Variants in PRTG observed in about 807,000 individuals in gnomAD.
The protein encoded by PRTG is immunoglobulin superfamily, DCC subclass, member 5.
PRTG carries 67 observed loss-of-function variants against 122.5 expected under a neutral mutation model. The ratio of observed to expected loss-of-function variants is 0.55; its 90% CI spans 0.45 to 0.67. The LOEUF (loss-of-function observed/expected upper bound fraction) is 0.67, where lower values mean the gene tolerates loss of function less well. Among genes scored for constraint, PRTG ranks in the 30% least tolerant of loss-of-function variants. PRTG has a pLI of 0.00. For synonymous variants in PRTG, 554 were observed against 501.1 expected (o/e 1.11, Z -1.41); for missense variants, 1,435 against 1,415.4 (o/e 1.01, Z -0.22).
chr15:55,639,542 G>A (rs1360741717), intron 13 of PRTG, 100 bp downstream of exon 13: 2 of 1,003,202 alleles, frequency 2.0e-6, no homozygotes, highest in Non-Finnish European at 3.0e-6. Context: ...AATGCTTACA[G>A]GTGAAGCCCG....
chr15:55,636,996 T>C (rs2059261194), intron 15 of PRTG, among the ~76,000 whole-genome samples, 174 bp downstream of exon 15: 1 of 152,212 alleles, frequency 6.6e-6, no homozygotes, highest in South Asian at 2.1e-4. Flanking sequence ...AAATACAAAC[T>C]ATTCTTAAAA....
intron 15 of PRTG, among the ~76,000 whole-genome samples, chr15:55,635,074 G>GTGTGTGTGTGTGTGTGTGTGTGTGTGT (rs1567076962): frequency 8.9e-5 from 12 of 135,412 alleles, no homozygotes; most frequent in East Asian, 6.2e-4. Flanking sequence ...GTTGGTTCTG[G>GTGTGTGTGTGTGTGTGTGTGTGTGTGT]GTGTGTGTGT....
At chr15:55,693,891 T>C (rs1411094258) in intron 2 of PRTG, among the ~76,000 whole-genome samples, 3 of 152,144 alleles carry the variant, frequency 2.0e-5, no homozygotes, top group Non-Finnish European at 4.4e-5. Context: ...ACTCAAAGAA[T>C]GTTAAACAAA....
chr15:55,730,360 C>A (rs1480451180), intron 2 of PRTG, among the ~76,000 whole-genome samples: 3 of 152,104 alleles, frequency 2.0e-5, no homozygotes, highest in Admixed American at 2.0e-4. Context: ...CCTCGGCCTC[C>A]CAAAGTGCTG....
intron 11 of PRTG, among the ~76,000 whole-genome samples, chr15:55,653,760 G>A (rs1035397936): frequency 6.6e-6 from 1 of 152,138 alleles, no homozygotes; most frequent in Non-Finnish European, 1.5e-5. Context: ...CACTGCGCCC[G>A]GCCAGATAAT....
Position 55,638,621 on chromosome 15 carries a change from C to A in PRTG, c.2380G>T (p.Ala794Ser). The A allele has an allele frequency of 6.2e-7, 1 of 1,613,492 alleles. No homozygotes were observed. The highest frequency in any genetic ancestry group is 8.5e-7 in the Non-Finnish European group (1 of 1,179,590). The change falls in exon 14 of 20, where the codon GCC becomes TCC. Residue 794 changes from alanine (A) to serine (S), a missense_variant. Coordinates refer to ENST00000389286, the MANE Select transcript of PRTG (RefSeq NM_173814.6). ...AGCTGATCCACATGTAATCGAACGG[C>A]AAATTCGTATTTGGTGTTTGGTTCT... is the stretch of plus-strand genomic sequence containing the variant. ...GLEPNTKYEF[A>S]VRLHVDQLSS...
At chr15:55,648,015 C>T (rs988598922) in intron 11 of PRTG, among the ~76,000 whole-genome samples, 4 of 152,196 alleles carry the variant, frequency 2.6e-5, no homozygotes, top group Non-Finnish European at 5.9e-5. Flanking sequence ...GGTATATATT[C>T]CTTCCAGTGG....
At position 55,677,835 on chromosome 15, in the gene PRTG, T is replaced by C. The variant is rs1567095300; in HGVS notation, c.1343A>G (p.Lys448Arg). 12 of 1,613,768 alleles carry C rather than the reference T, an allele frequency of 7.4e-6. No homozygotes were observed. The highest frequency in any genetic ancestry group is 1.7e-5 in the Admixed American group (1 of 59,996). ...GTAGTGTACAGAATAGGCAATGACT[T>C]TGTCTGAATTATAAAGTGGCCTCTC... ...AWERPLYNSD[K>R]VIAYSVHYMK... Residue 448 changes from lysine (K) to arginine (R), a missense_variant, in exon 8 of 20, where the codon AAA becomes AGA. Coordinates refer to ENST00000389286, the MANE Select transcript of PRTG (RefSeq NM_173814.6).
rs2059156846 is a variant in PRTG at position 55,619,930 on chromosome 15, C to G, written c.*82G>C. On this transcript the variant is annotated 3_prime_UTR_variant, in exon 20 of 20. Coordinates refer to ENST00000389286, the MANE Select transcript of PRTG (RefSeq NM_173814.6). ...GCGGCTGCAGAACTAAGGAGGAAGT[C>G]TGCTCACTAACAGATGACACAGCAG... The G allele has an allele frequency of 6.4e-7, 1 of 1,567,344 alleles. No individual in the cohort carries two copies. Among genetic ancestry groups the G allele is most frequent in the African/African-American group, 1.4e-5 (1 of 73,782 alleles).
At chr15:55,708,751 G>A (rs2141850770) in intron 2 of PRTG, among the ~76,000 whole-genome samples, 1 of 152,212 alleles carries the variant, frequency 6.6e-6, no homozygotes, top group Admixed American at 6.5e-5. Flanking sequence ...TACTAAACAG[G>A]CTTAGCCAGG....
intron 2 of PRTG, among the ~76,000 whole-genome samples, chr15:55,691,171 C>T (rs2059598749): frequency 6.6e-6 from 1 of 151,896 alleles, no homozygotes; most frequent in Non-Finnish European, 1.5e-5. Flanking sequence ...TGGCAGGTGC[C>T]TGTAATCCCA....
chr15:55,728,455 G>A (rs2031117313), intron 2 of PRTG, among the ~76,000 whole-genome samples: 1 of 152,112 alleles, frequency 6.6e-6, no homozygotes, highest in African/African-American at 2.4e-5. Context: ...TGTAAAAGTT[G>A]TTCAACAGAA....
At chr15:55,738,831 A>G (rs2031518931) in intron 2 of PRTG, among the ~76,000 whole-genome samples, 1 of 141,036 alleles carries the variant, frequency 7.1e-6, no homozygotes, top group Non-Finnish European at 1.5e-5. Context: ...GAGAGAAACA[A>G]GGAGGGAGAA....
At chr15:55,672,860 T>C (rs571045769) in intron 10 of PRTG, among the ~76,000 whole-genome samples, 1 of 152,268 alleles carries the variant, frequency 6.6e-6, no homozygotes, top group Admixed American at 6.5e-5. Flanking sequence ...TAAATAGTAA[T>C]ATCTGGACAT....
intron 11 of PRTG, among the ~76,000 whole-genome samples, chr15:55,667,553 G>A (rs538393788): frequency 2.6e-5 from 4 of 152,108 alleles, no homozygotes; most frequent in Admixed American, 2.0e-4. Context: ...CTATGTTGAA[G>A]TTTCAACATA....
At position 55,660,228 on chromosome 15, in the gene PRTG, A is replaced by G. The variant is rs191772100; in HGVS notation, c.2041+12217T>C. On this transcript the variant is annotated intron_variant, in intron 11 of 19. Coordinates refer to ENST00000389286, the MANE Select transcript of PRTG (RefSeq NM_173814.6). ...TAGTTAGTACAAGGCTTAAAATTTC[A>G]TGTGCGTTAAGTTTTTTTAAGAAAC... Among the ~76,000 whole-genome samples the G allele has an allele frequency of 2.3e-3, 349 of 152,288 alleles. 2 individuals carry two copies. The highest frequency in any genetic ancestry group is 8.2e-3 in the African/African-American group (341 of 41,566).
chr15:55,688,696 T>C (rs1325142492), intron 2 of PRTG, among the ~76,000 whole-genome samples: 1 of 152,062 alleles, frequency 6.6e-6, no homozygotes, highest in Non-Finnish European at 1.5e-5. Context: ...TAGCTGGGCG[T>C]TGTGGTGCGT....
chr15:55,709,535 AC>A (rs2030296988), intron 2 of PRTG, among the ~76,000 whole-genome samples: 1 of 151,916 alleles, frequency 6.6e-6, no homozygotes, highest in Non-Finnish European at 1.5e-5. Context: ...TTAGGTATCT[AC>A]CCAAGTGAAA....
chr15:55,689,694 A>G (rs1028617594), intron 2 of PRTG, among the ~76,000 whole-genome samples: 3 of 151,860 alleles, frequency 2.0e-5, no homozygotes, highest in Admixed American at 1.3e-4. Flanking sequence ...TTGGGAGGCC[A>G]AGGCGGGTGG....
Sources: allele counts gnomAD v4.1 joint callset (sites outside exome capture counted in the v4.1 genomes callset), GRCh38; gene constraint gnomAD v4.1.1; transcripts MANE v1.5; gene names NCBI Gene and HGNC (gene_info 2026-07-23, HGNC 2026-07-21).